MPP7: variants seen among roughly 807,000 people sequenced by gnomAD.
The protein encoded by MPP7 is MAGUK p55 scaffold protein 7, also known as MAGUK p55 subfamily member 7.
Under a neutral mutation model 76.5 loss-of-function variants are expected in MPP7, and 60 were observed. The ratio of observed to expected loss-of-function variants is 0.78; its 90% CI spans 0.64 to 0.97. The LOEUF is 0.97. Ranked by LOEUF, MPP7 falls within the 50% of genes least tolerant of loss-of-function variation. The pLI, the probability that MPP7 is intolerant of heterozygous loss-of-function variation, is 0.00. For missense variants in MPP7, 641 were observed against 694.0 expected (o/e 0.92, Z 0.86); for synonymous variants, 237 against 244.5 (o/e 0.97, Z 0.29).
intron 16 of MPP7, among the ~76,000 whole-genome samples, chr10:28,054,794 A>G (rs895112124): frequency 3.3e-5 from 5 of 152,100 alleles, no homozygotes; most frequent in Non-Finnish European, 7.4e-5. Flanking sequence ...CTCCTGCCTC[A>G]GCCTCCCGAG....
intron 13 of MPP7, among the ~76,000 whole-genome samples, chr10:28,060,371 A>T (rs1247093272): frequency 6.6e-6 from 1 of 152,246 alleles, no homozygotes; most frequent in Non-Finnish European, 1.5e-5. Context: ...GGATTCATTA[A>T]AACGACAACA....
chr10:28,187,035 A>G lies in MPP7; in HGVS notation c.156+15118T>C, dbSNP rs932732876. On this transcript the variant is annotated intron_variant, in intron 3 of 16. Coordinates refer to ENST00000683449, the MANE Select transcript of MPP7 (RefSeq NM_001318170.2). ...GATTTCTAGGTAAGAAACTCCCCAC[A>G]TTCATTCTGGTAGAGCATATAGACT... is the stretch of plus-strand genomic sequence containing the variant. Among the ~76,000 whole-genome samples the G allele has an allele frequency of 3.3e-5, 5 of 152,186 alleles. No individual in the cohort carries two copies. In the East Asian group the frequency reaches 9.6e-4, roughly 29 times the overall value.
At chr10:28,293,355 T>C (rs1159880652) in intron 1 of MPP7, among the ~76,000 whole-genome samples, 2 of 152,164 alleles carry the variant, frequency 1.3e-5, no homozygotes, top group African/African-American at 4.8e-5. Context: ...CAATAACATA[T>C]CACTTTGTGC....
chr10:28,334,060 GC>G (rs1834495034), intron 1 of MPP7, among the ~76,000 whole-genome samples: 1 of 152,090 alleles, frequency 6.6e-6, no homozygotes, highest in African/African-American at 2.4e-5. Flanking sequence ...AATTAGCCAG[GC>G]ATTGTGTCAC....
intron 5 of MPP7, 29 bp downstream of exon 5, chr10:28,147,454 T>G: frequency 6.3e-7 from 1 of 1,576,014 alleles, no homozygotes; most frequent in South Asian, 1.1e-5. Context: ...TGTTTGAAGG[T>G]ATTTATTACC....
intron 12 of MPP7, among the ~76,000 whole-genome samples, chr10:28,074,209 C>T (rs893356795): frequency 1.3e-5 from 2 of 152,112 alleles, no homozygotes; most frequent in African/African-American, 4.8e-5. Context: ...CTTCAGAAAA[C>T]ATAGAGGCCA....
At chr10:28,079,343 A>G (rs774261437) in intron 12 of MPP7, among the ~76,000 whole-genome samples, 39 of 151,916 alleles carry the variant, frequency 2.6e-4, no homozygotes, top group Non-Finnish European at 5.0e-4. Context: ...ATACAGACAT[A>G]TACCACAAAA....
At chr10:28,276,404 A>G (rs181901885) in intron 1 of MPP7, among the ~76,000 whole-genome samples, 13 of 152,246 alleles carry the variant, frequency 8.5e-5, no homozygotes, top group Admixed American at 8.5e-4. Context: ...AATAAATTTT[A>G]GCATTGGTTA....
chr10:28,312,435 T>C (rs963416137), intron 2 of MPP7, among the ~76,000 whole-genome samples: 1 of 152,144 alleles, frequency 6.6e-6, no homozygotes, highest in African/African-American at 2.4e-5. Flanking sequence ...AGGGTGCTGA[T>C]TGGTGCGTTT....
intron 1 of MPP7, among the ~76,000 whole-genome samples, chr10:28,300,987 A>C (rs1005702668): frequency 7.2e-5 from 11 of 151,960 alleles, no homozygotes; most frequent in African/African-American, 2.7e-4. Flanking sequence ...GTAATCCATA[A>C]GACATTTTCA....
At chr10:28,178,542 A>G in intron 3 of MPP7, among the ~76,000 whole-genome samples, 1 of 152,036 alleles carries the variant, frequency 6.6e-6, no homozygotes, top group East Asian at 1.9e-4. Context: ...AATACTCATC[A>G]ACAAGCAGAG....
chr10:28,123,754 A>G (rs1308386752), intron 8 of MPP7, among the ~76,000 whole-genome samples: 1 of 151,876 alleles, frequency 6.6e-6, no homozygotes, highest in Non-Finnish European at 1.5e-5. Context: ...TTACAGATAT[A>G]AGCCACCACA....
intron 16 of MPP7, 21 bp downstream of exon 16, chr10:28,056,459 C>T: frequency 6.2e-7 from 1 of 1,603,296 alleles, no homozygotes; most frequent in South Asian, 1.1e-5. Flanking sequence ...ACACCTGGCC[C>T]CCAAGCATCA....
chr10:28,257,717 C>T (rs1477698190), intron 1 of MPP7, among the ~76,000 whole-genome samples: 1 of 145,786 alleles, frequency 6.9e-6, no homozygotes, highest in East Asian at 2.0e-4. Flanking sequence ...GCACAAAGTG[C>T]ACATGTACCC....
chr10:28,179,693 C>T (rs1421621954), intron 3 of MPP7, among the ~76,000 whole-genome samples: 1 of 152,108 alleles, frequency 6.6e-6, no homozygotes, highest in East Asian at 1.9e-4. Flanking sequence ...GAATGAGCAC[C>T]ACCTAGTGGA....
intron 11 of MPP7, among the ~76,000 whole-genome samples, chr10:28,095,394 A>G (rs1435767279): frequency 6.6e-6 from 1 of 152,012 alleles, no homozygotes; most frequent in African/African-American, 2.4e-5. Flanking sequence ...AGCCTGCCCC[A>G]TACTCCTAAC....
intron 11 of MPP7, among the ~76,000 whole-genome samples, chr10:28,097,747 A>G (rs1402788279): frequency 6.6e-6 from 1 of 152,204 alleles, no homozygotes; most frequent in Non-Finnish European, 1.5e-5. Context: ...CGTTTTCCAA[A>G]TAAGGAAATA....
chr10:28,177,620 A>G (rs1011911414), intron 3 of MPP7, among the ~76,000 whole-genome samples: 1 of 152,216 alleles, frequency 6.6e-6, no homozygotes, highest in South Asian at 2.1e-4. Flanking sequence ...TAATGCCACT[A>G]AAAATTATGA....
intron 12 of MPP7, among the ~76,000 whole-genome samples, chr10:28,076,489 T>G (rs1852487221): frequency 6.6e-6 from 1 of 152,076 alleles, no homozygotes; most frequent in Non-Finnish European, 1.5e-5. Context: ...GAAGGTACCT[T>G]CTAAGTACAA....
Sources: allele counts gnomAD v4.1 joint callset (sites outside exome capture counted in the v4.1 genomes callset), GRCh38; gene constraint gnomAD v4.1.1; transcripts MANE v1.5; gene names NCBI Gene and HGNC (gene_info 2026-07-23, HGNC 2026-07-21).